C12orf42: variants seen among roughly 807,000 people sequenced by gnomAD.
The protein encoded by C12orf42 is uncharacterized protein C12orf42.
C12orf42 carries 25 observed loss-of-function variants against 21.6 expected under a neutral mutation model. That is an observed-to-expected ratio of 1.16 (90% CI 0.84 to 1.62). The LOEUF (loss-of-function observed/expected upper bound fraction) is 1.62, where lower values mean the gene tolerates loss of function less well. Among genes scored for constraint, C12orf42 ranks in the 40% most tolerant of loss-of-function variants. The pLI is 0.00. For synonymous variants in C12orf42, 174 were observed against 175.0 expected (o/e 0.99, Z 0.05); for missense variants, 483 against 459.3 (o/e 1.05, Z -0.47).
At chr12:103,519,838 T>G in the C12orf42 span, among the ~76,000 whole-genome samples, 1 of 151,980 alleles carries the variant, frequency 6.6e-6, no homozygotes, top group Admixed American at 6.6e-5. Flanking sequence ...CCATGAGGAA[T>G]GAGGCTGAAA....
intron 4 of C12orf42, among the ~76,000 whole-genome samples, chr12:103,357,746 T>C (rs2043718310): frequency 6.6e-6 from 1 of 152,114 alleles, no homozygotes; most frequent in Non-Finnish European, 1.5e-5. Context: ...GTGCTATATT[T>C]GCTGTAGCAT....
At chr12:103,563,086 C>A in the C12orf42 span, among the ~76,000 whole-genome samples, 3 of 152,194 alleles carry the variant, frequency 2.0e-5, no homozygotes, top group Non-Finnish European at 4.4e-5. Flanking sequence ...CAATCCCTGG[C>A]TTCTAGTGTA....
intron 4 of C12orf42, among the ~76,000 whole-genome samples, chr12:103,310,873 C>A (rs929708833): frequency 6.6e-6 from 1 of 152,186 alleles, no homozygotes; most frequent in Non-Finnish European, 1.5e-5. Context: ...AAAACAATAG[C>A]GCTGGATCTC....
chr12:103,236,319 C>T (rs2033465814), downstream of C12orf42, among the ~76,000 whole-genome samples: 1 of 152,094 alleles, frequency 6.6e-6, no homozygotes, highest in African/African-American at 2.4e-5. Flanking sequence ...CTTTCAATAA[C>T]AACAGAAAAT....
chr12:103,212,975 A>C, the C12orf42 span, among the ~76,000 whole-genome samples: 1 of 152,086 alleles, frequency 6.6e-6, no homozygotes, highest in Non-Finnish European at 1.5e-5. Context: ...GCATATATAT[A>C]TATAATTAAG....
At chr12:103,557,969 G>C in the C12orf42 span, 1 of 152,112 alleles carries the variant, frequency 6.6e-6, no homozygotes, top group Non-Finnish European at 1.5e-5. Flanking sequence ...TTCAACATTT[G>C]ACACAGTTAC....
chr12:103,286,248 C>G (rs1435778065), intron 4 of C12orf42, among the ~76,000 whole-genome samples: 1 of 138,742 alleles, frequency 7.2e-6, no homozygotes, highest in Admixed American at 7.2e-5. Context: ...AAGACTCCAT[C>G]TCAAAAAATA....
downstream of C12orf42, among the ~76,000 whole-genome samples, chr12:103,299,178 T>C (rs2037494763): frequency 6.6e-6 from 1 of 152,050 alleles, no homozygotes; most frequent in Non-Finnish European, 1.5e-5. Context: ...TTATACAGTT[T>C]TTAAAAAAAT....
chr12:103,167,892 GTGTGTGTGTGTGTGTGTGTGTT>G, the C12orf42 span: 1 of 313,270 alleles, frequency 3.2e-6, no homozygotes, highest in Non-Finnish European at 6.1e-6. Context: ...GTGTGTGTGT[GTGTGTGTGTGTGTGTGTGTGTT>G]TGTGTCTGTG....
chr12:103,224,678 T>C, the C12orf42 span, among the ~76,000 whole-genome samples: 1 of 152,040 alleles, frequency 6.6e-6, no homozygotes, highest in East Asian at 1.9e-4. Flanking sequence ...AAAATAGATT[T>C]TGGAAGTTAT....
At chr12:103,294,444 A>AGGAGAGAG (rs2037043131) in intron 4 of C12orf42, among the ~76,000 whole-genome samples, 8 of 127,206 alleles carry the variant, frequency 6.3e-5, no homozygotes, top group African/African-American at 1.7e-4. Flanking sequence ...GAAAGAAAGA[A>AGGAGAGAG]AGAAAGAAAG....
intron 3 of C12orf42, among the ~76,000 whole-genome samples, chr12:103,393,424 T>C (rs1352740502): frequency 1.3e-5 from 2 of 152,124 alleles, no homozygotes; most frequent in African/African-American, 4.8e-5. Context: ...TCCACGTCCA[T>C]AACCCAAACA....
chr12:103,109,741 A>G, the C12orf42 span, among the ~76,000 whole-genome samples: 1 of 151,728 alleles, frequency 6.6e-6, no homozygotes, highest in Non-Finnish European at 1.5e-5. Flanking sequence ...CACCATGAAC[A>G]AATAAAAAAG....
At chr12:103,344,031 A>G (rs2042399612) in intron 4 of C12orf42, among the ~76,000 whole-genome samples, 1 of 152,200 alleles carries the variant, frequency 6.6e-6, no homozygotes, top group Non-Finnish European at 1.5e-5. Context: ...TTCATCTTCC[A>G]ATCCAGACAA....
chr12:103,423,644 T>G (rs1257338771), intron 2 of C12orf42, among the ~76,000 whole-genome samples: 4 of 152,200 alleles, frequency 2.6e-5, no homozygotes, highest in Admixed American at 6.5e-5. Flanking sequence ...TTTGCAGCAT[T>G]CCTTGGAGCA....
At chr12:103,294,572 G>A (rs57371275) in intron 4 of C12orf42, among the ~76,000 whole-genome samples, 4 of 85,610 alleles carry the variant, frequency 4.7e-5, no homozygotes, top group African/African-American at 1.4e-4. Flanking sequence ...AAAAAGAAAG[G>A]AAGGAAGGAA....
chr12:103,385,371 A>T lies in C12orf42; in HGVS notation c.147+16236T>A, dbSNP rs541267660. ...TACGCCTGGAACTGAATACCGTGTC[A>T]AATCTATTGGCACTGCATGTTTAAA... On this transcript the variant is annotated intron_variant, in intron 3 of 5. Transcript: ENST00000548883. Among the ~76,000 whole-genome samples, 5 of 152,322 alleles carry T rather than the reference A, an allele frequency of 3.3e-5. No homozygotes were observed. In the East Asian group the frequency reaches 9.7e-4, roughly 29 times the overall value.
the C12orf42 span, among the ~76,000 whole-genome samples, chr12:103,511,583 T>A: frequency 2.6e-5 from 4 of 152,120 alleles, no homozygotes; most frequent in African/African-American, 9.7e-5. Context: ...CTCTTCCTCC[T>A]AACCTCTAAC....
chr12:103,448,081 G>A (rs1951692402), intron 2 of C12orf42, among the ~76,000 whole-genome samples: 1 of 151,866 alleles, frequency 6.6e-6, no homozygotes, highest in African/African-American at 2.4e-5. Flanking sequence ...AGCATGACTG[G>A]TATAAAAATA....
Sources: gnomAD v4.1 joint callset for allele counts (sites outside exome capture counted in the v4.1 genomes callset) on GRCh38, gnomAD v4.1.1 for gene constraint, MANE v1.5 for transcripts, NCBI Gene and HGNC (gene_info 2026-07-23, HGNC 2026-07-21) for gene names.